The following ATP2B3 variants were observed in gnomAD, a reference collection of about 807,000 sequenced individuals.
ATP2B3 encodes the protein ATPase plasma membrane Ca2+ transporting 3, also known as plasma membrane calcium-transporting ATPase 3.
In ATP2B3, 12 loss-of-function variants were observed where a neutral mutation model predicts 70.8. That is an observed-to-expected ratio of 0.17 (90% CI 0.11 to 0.27). ATP2B3 has a LOEUF of 0.27. Among genes scored for constraint, ATP2B3 ranks in the 10% least tolerant of loss-of-function variants. The probability of loss-of-function intolerance (pLI) is 1.00; values close to 1 mark genes in which losing one functional copy is unlikely to be tolerated. For synonymous variants in ATP2B3, 460 were observed against 497.8 expected, an observed-to-expected ratio of 0.92 and a Z score of 1.01; for missense variants, 858 against 1,118.5, an observed-to-expected ratio of 0.77 and a Z score of 3.32.
Position 153,536,216 on chromosome X carries a change from G to A in ATP2B3, c.-32G>A. On this transcript the variant is annotated 5_prime_UTR_variant, in exon 3 of 22. Coordinates refer to ENST00000263519, the MANE Select transcript of ATP2B3 (RefSeq NM_001001344.3). ...CTGTCCCTAGCTGTGGCTGAGCCAA[G>A]ATTGCACTTGTGAGAAGGCCTGACA... is the stretch of plus-strand genomic sequence containing the variant. 1 of 1,172,292 alleles carries A rather than the reference G, an allele frequency of 8.5e-7. No homozygotes were observed. The highest frequency in any genetic ancestry group is 1.1e-6 in the Non-Finnish European group (1 of 874,454).
At position 153,545,933 on chromosome X, in the gene ATP2B3, C is replaced by T. The variant is rs183868566; in HGVS notation, c.917-155C>T. 1.3e-4 allele frequency among the ~76,000 whole-genome samples: 15 copies of T among 111,116 alleles called. No individual in the cohort carries two copies. The East Asian group carries it at 1.7e-3, about 13-fold the overall frequency. On this transcript the variant is annotated intron_variant, in intron 7 of 21. Coordinates refer to ENST00000263519, the MANE Select transcript of ATP2B3 (RefSeq NM_001001344.3). Reference sequence around the variant, plus strand: ...CAGGAATGCCAGTGTTCATGGTGACCGTGTGCTGGGAGGTGGTGACGGGGT... The same window carrying T: ...CAGGAATGCCAGTGTTCATGGTGACTGTGTGCTGGGAGGTGGTGACGGGGT...
intron 21 of ATP2B3, among the ~76,000 whole-genome samples, chrX:153,571,296 A>G (rs910210573): frequency 7.1e-5 from 8 of 112,299 alleles, no homozygotes; most frequent in African/African-American, 2.3e-4. Flanking sequence ...CTGGGAGCTG[A>G]GGGCAGCAGG....
At chrX:153,517,939 G>A (rs1374413188) in intron 1 of ATP2B3, 64 bp downstream of exon 1, 2 of 109,334 alleles carry the variant, frequency 1.8e-5, no homozygotes, top group East Asian at 5.7e-4. Flanking sequence ...CGGGCACAAG[G>A]CGCGGGTGGG....
chrX:153,556,947 G>A lies in ATP2B3; in HGVS notation c.2357G>A (p.Arg786Gln), dbSNP rs201426629. ...ATCGACAGCACCACTGGTGAGCAGC[G>A]GCAGGTGGTGGCTGTGACAGGGGAT... Reference protein sequence around the residue: ...GIIDSTTGEQRQVVAVTGDGT... With the variant: ...GIIDSTTGEQQQVVAVTGDGT... Residue 786 changes from arginine (R) to glutamine (Q), a missense_variant, in exon 16 of 22, where the codon CGG (arginine) becomes CAG (glutamine). Around this residue, in one of 5 missense-constraint regions of ATP2B3, gnomAD observed 50 missense variants for 106.7 expected, o/e 0.47. Coordinates refer to ENST00000263519, the MANE Select transcript of ATP2B3 (RefSeq NM_001001344.3). 19 of 1,194,077 alleles carry A rather than the reference G, an allele frequency of 1.6e-5. No individual in the cohort carries two copies. Among genetic ancestry groups the A allele is most frequent in the Admixed American group, 2.3e-5 (1 of 44,038 alleles).
At chrX:153,561,748 G>C (rs1156802275) in intron 19 of ATP2B3, among the ~76,000 whole-genome samples, 1 of 112,848 alleles carries the variant, frequency 8.9e-6, no homozygotes, top group Non-Finnish European at 1.9e-5. Flanking sequence ...CATTTGGACA[G>C]CTTGCCCCTG....
At chrX:153,557,236 G>C (rs1054852693) in intron 16 of ATP2B3, among the ~76,000 whole-genome samples, 1 of 112,261 alleles carries the variant, frequency 8.9e-6, no homozygotes, top group Non-Finnish European at 1.9e-5. Context: ...TGATGCCCAA[G>C]GTGACAGTGG....
intron 21 of ATP2B3, among the ~76,000 whole-genome samples, chrX:153,567,004 G>T (rs1423783573): frequency 2.7e-5 from 3 of 112,596 alleles, no homozygotes; most frequent in Non-Finnish European, 5.6e-5. Context: ...TGAGAACCGG[G>T]AGGCGAGGCT....
chrX:153,530,118 TC>T (rs1368653306), intron 2 of ATP2B3, among the ~76,000 whole-genome samples: 2 of 112,666 alleles, frequency 1.8e-5, no homozygotes, highest in Admixed American at 9.3e-5. Flanking sequence ...TCTACTGCTT[TC>T]CACAGTGGCT....
At chrX:153,560,271 C>T (rs923467890) in intron 18 of ATP2B3, among the ~76,000 whole-genome samples, 1 of 111,930 alleles carries the variant, frequency 8.9e-6, no homozygotes, top group Non-Finnish European at 1.9e-5. Flanking sequence ...AGAGTGGCCA[C>T]GGTAACCCTA....
intron 21 of ATP2B3, among the ~76,000 whole-genome samples, chrX:153,567,688 G>A (rs1557018648): frequency 8.9e-6 from 1 of 112,065 alleles, no homozygotes. Context: ...GTTCCAGGCT[G>A]TTCCAATTGT....
At chrX:153,561,998 CT>C (rs1198733335) in intron 19 of ATP2B3, 136 bp from the exon 20 acceptor site, 1 of 573,601 alleles carries the variant, frequency 1.7e-6, no homozygotes, top group African/African-American at 2.2e-5. Context: ...CGCCCCCGGC[CT>C]TGTGGTCCTC....
chrX:153,543,760 C>A (rs2090322640), intron 7 of ATP2B3, among the ~76,000 whole-genome samples: 1 of 113,237 alleles, frequency 8.8e-6, no homozygotes, highest in African/African-American at 3.2e-5. Flanking sequence ...TTCAGGGAGG[C>A]CCTGATGGAC....
intron 3 of ATP2B3, 124 bp downstream of exon 3, chrX:153,536,579 C>G: frequency 1.3e-6 from 1 of 779,045 alleles, no homozygotes; most frequent in Non-Finnish European, 1.9e-6. Flanking sequence ...TCCTCTCAGC[C>G]ATTTCCCTTG....
At chrX:153,574,452 G>A (rs941148273) in intron 21 of ATP2B3, among the ~76,000 whole-genome samples, 1 of 111,544 alleles carries the variant, frequency 9.0e-6, no homozygotes, top group Non-Finnish European at 1.9e-5. Flanking sequence ...AGAAGCATCC[G>A]AGTTCTGTGA....
chrX:153,526,725 G>A (rs2090038896), intron 2 of ATP2B3, among the ~76,000 whole-genome samples: 2 of 111,645 alleles, frequency 1.8e-5, no homozygotes, highest in Non-Finnish European at 3.8e-5. Flanking sequence ...GCTGGGGAGA[G>A]TGGCACGGAT....
In ATP2B3 at chrX:153,556,867, T is replaced by C. The variant is rs1557013873; in HGVS notation, c.2327-50T>C. 4.4e-6 allele frequency: 5 copies of C among 1,127,587 alleles called. No homozygotes were observed. In the Admixed American group the frequency reaches 1.3e-4, roughly 29 times the overall value. The allele number at this position is 1,127,587 out of a possible 1,213,427, so 92.9% of individuals were successfully genotyped here. On this transcript the variant is annotated intron_variant, in intron 15 of 21. Transcript: ENST00000263519. ...GCTCCCTGGGCAGGGCTACACAGGGTTGTGGTGACAGATGGCCCCAGCCCT... is the reference window on the plus strand; with the variant it reads ...GCTCCCTGGGCAGGGCTACACAGGGCTGTGGTGACAGATGGCCCCAGCCCT...
chrX:153,570,845 C>T (rs1248651852), intron 21 of ATP2B3, among the ~76,000 whole-genome samples: 2 of 110,162 alleles, frequency 1.8e-5, no homozygotes, highest in South Asian at 3.9e-4. Context: ...AGCTTGATTG[C>T]TTTTCTTTTC....
chrX:153,522,958 G>A (rs2089979250), intron 2 of ATP2B3, among the ~76,000 whole-genome samples: 1 of 110,719 alleles, frequency 9.0e-6, no homozygotes, highest in Non-Finnish European at 1.9e-5. Context: ...GCTCTCTATA[G>A]GAAACGTATA....
intron 13 of ATP2B3, among the ~76,000 whole-genome samples, chrX:153,555,152 T>C (rs1603087308): frequency 9.0e-6 from 1 of 111,264 alleles, no homozygotes; most frequent in Non-Finnish European, 1.9e-5. Flanking sequence ...GCAGGAACCA[T>C]TGGATCACCC....
Sources: gnomAD v4.1 joint callset for allele counts (sites outside exome capture counted in the v4.1 genomes callset) on GRCh38, gnomAD v4.1.1 for gene constraint, gnomAD v4.1.1 regional missense constraint, MANE v1.5 for transcripts, NCBI Gene and HGNC (gene_info 2026-07-23, HGNC 2026-07-21) for gene names.